Variants in CREG2 observed in about 807,000 individuals in gnomAD.
CREG2 encodes the protein cellular repressor of E1A stimulated genes 2, also known as protein CREG2.
A neutral mutation model predicts 26.2 loss-of-function variants in CREG2; 24 were observed. The ratio of observed to expected loss-of-function variants is 0.92; its 90% CI spans 0.66 to 1.29. CREG2 has a LOEUF of 1.29. Ranked by LOEUF, CREG2 falls within the 50% of genes most tolerant of loss-of-function variation. CREG2 has a pLI of 0.00. For missense variants in CREG2, 366 were observed against 398.6 expected, an observed-to-expected ratio of 0.92 and a Z score of 0.70; for synonymous variants, 174 against 169.2, an observed-to-expected ratio of 1.03 and a Z score of -0.22.
chr2:101,375,995 G>A, intron 2 of CREG2: 1 of 203,108 alleles, frequency 4.9e-6, no homozygotes, highest in Non-Finnish European at 1.1e-5. Context: ...TTGCTGGGCT[G>A]TGCTGTTTCA....
chr2:101,379,535 G>C (rs1684838683), intron 2 of CREG2, among the ~76,000 whole-genome samples: 1 of 152,110 alleles, frequency 6.6e-6, no homozygotes, highest in African/African-American at 2.4e-5. Flanking sequence ...TTAAGACACA[G>C]GCCTGTTAAT....
In CREG2 at chr2:101,350,707, A is replaced by G. The variant is rs1684368273; in HGVS notation, c.*216T>C. The G allele has an allele frequency of 1.8e-6, 1 of 542,684 alleles. No homozygotes were observed. The highest frequency in any genetic ancestry group is 3.3e-6 in the Non-Finnish European group (1 of 305,574). 33.6% of individuals were successfully genotyped at this position (542,684 alleles called of 1,614,324 possible). ...GAATACAATGGAATAAAGACTATCT[A>G]CGTGAAGTATCTGTGTGAGTTGGAG... On this transcript the variant is annotated 3_prime_UTR_variant, in exon 4 of 4. Coordinates refer to ENST00000324768, the MANE Select transcript of CREG2 (RefSeq NM_153836.4).
rs182960638 is a variant in CREG2, at chr2:101,361,301, G to A, written c.612-5935C>T. 8.5e-4 allele frequency among the ~76,000 whole-genome samples: 130 copies of A among 152,284 alleles called. 1 individual carries two copies. The highest frequency in any genetic ancestry group is 3.0e-3 in the African/African-American group (126 of 41,558). Reference sequence around the variant, plus strand: ...TGGCCCCCCAAAGATGTCCACATCCGAATCTCTGGAACATGTGAATATGTT... The same window carrying A: ...TGGCCCCCCAAAGATGTCCACATCCAAATCTCTGGAACATGTGAATATGTT... On this transcript the variant is annotated intron_variant, in intron 2 of 3. Transcript: ENST00000324768.
At chr2:101,383,446 G>T (rs1684910481) in intron 2 of CREG2, 87 bp downstream of exon 2, 1 of 1,282,070 alleles carries the variant, frequency 7.8e-7, no homozygotes, top group Non-Finnish European at 1.1e-6. Flanking sequence ...TTCTGTTAAA[G>T]TCATGTGACC....
intron 2 of CREG2, among the ~76,000 whole-genome samples, chr2:101,361,947 A>G (rs1684545835): frequency 6.6e-6 from 1 of 152,140 alleles, no homozygotes; most frequent in African/African-American, 2.4e-5. Flanking sequence ...CCTCTGGGTA[A>G]CAGATCTCAT....
At chr2:101,385,863 G>T (rs951048212) in intron 1 of CREG2, among the ~76,000 whole-genome samples, 1 of 152,234 alleles carries the variant, frequency 6.6e-6, no homozygotes, top group African/African-American at 2.4e-5. Context: ...AAAGCTAAGA[G>T]AAGGGATATT....
intron 2 of CREG2, among the ~76,000 whole-genome samples, chr2:101,361,668 G>A (rs919600772): frequency 5.3e-5 from 8 of 152,144 alleles, no homozygotes; most frequent in African/African-American, 1.9e-4. Flanking sequence ...TGATAAATCT[G>A]GGTTACTTTA....
intron 2 of CREG2, chr2:101,381,980 A>G (rs905563830): frequency 1.3e-5 from 2 of 152,354 alleles, no homozygotes; most frequent in East Asian, 1.9e-4. Context: ...TCCTGCTGCC[A>G]TTTGCCTGGG....
chr2:101,355,483 T>TCCATAACCTGA, intron 2 of CREG2, 117 bp from the exon 3 acceptor site: 1 of 663,520 alleles, frequency 1.5e-6, no homozygotes, highest in Non-Finnish European at 2.7e-6. Context: ...TCATTCAGGT[T>TCCATAACCTGA]ATGGATATTC....
chr2:101,381,612 A>G (rs1165044296), intron 2 of CREG2, among the ~76,000 whole-genome samples: 1 of 152,244 alleles, frequency 6.6e-6, no homozygotes, highest in Non-Finnish European at 1.5e-5. Flanking sequence ...AGAAGCTTAA[A>G]CAGTGTCAGG....
intron 1 of CREG2, 51 bp downstream of exon 1, chr2:101,386,966 C>G: frequency 8.1e-7 from 1 of 1,230,058 alleles, no homozygotes; most frequent in Middle Eastern, 3.1e-4. Flanking sequence ...CCCCGTCCCC[C>G]GGCCGCCGCC....
chr2:101,367,893 A>G (rs1335791239), intron 2 of CREG2, among the ~76,000 whole-genome samples: 2 of 152,164 alleles, frequency 1.3e-5, no homozygotes, highest in Non-Finnish European at 2.9e-5. Context: ...AGGCAAGGAA[A>G]CGGCTTCTCC....
chr2:101,353,055 T>C (rs1359843845), intron 3 of CREG2, among the ~76,000 whole-genome samples: 1 of 152,212 alleles, frequency 6.6e-6, no homozygotes, highest in African/African-American at 2.4e-5. Context: ...TGTAGTTAGG[T>C]AGAAAATAGG....
chr2:101,366,498 G>GAA (rs147867533), intron 2 of CREG2, among the ~76,000 whole-genome samples: 1 of 150,220 alleles, frequency 6.7e-6, no homozygotes, highest in Non-Finnish European at 1.5e-5. Flanking sequence ...AAATATTTAG[G>GAA]AAAAAAAAAG....
intron 3 of CREG2, among the ~76,000 whole-genome samples, chr2:101,352,196 A>T (rs1684395001): frequency 6.6e-6 from 1 of 152,228 alleles, no homozygotes; most frequent in Non-Finnish European, 1.5e-5. Flanking sequence ...ATCTTTTTAA[A>T]GAATAATTTA....
At chr2:101,382,711 T>C in intron 2 of CREG2, 2 of 985,434 alleles carry the variant, frequency 2.0e-6, no homozygotes, top group Non-Finnish European at 2.4e-6. Context: ...GTTTGGTTAT[T>C]ATGTTTTCCG....
chr2:101,379,660 A>G (rs1684840683), intron 2 of CREG2, among the ~76,000 whole-genome samples: 1 of 152,232 alleles, frequency 6.6e-6, no homozygotes, highest in African/African-American at 2.4e-5. Flanking sequence ...TTTGACTACA[A>G]CAAGCTATCA....
intron 2 of CREG2, among the ~76,000 whole-genome samples, chr2:101,365,021 G>T (rs186168310): frequency 6.6e-6 from 1 of 152,188 alleles, no homozygotes; most frequent in Non-Finnish European, 1.5e-5. Context: ...TCTGGATGTG[G>T]TGCTTTTGCT....
chr2:101,383,714 C>CA lies in CREG2; in HGVS notation c.442-13dup, dbSNP rs745661161. On this transcript the variant is annotated splice_polypyrimidine_tract_variant and intron_variant, in intron 1 of 3. Transcript: ENST00000324768. The stretch of plus-strand genomic sequence containing the variant: ...GGCAGTCCTTGGATCTAACAAACAC[C>CA]AAAAAAGGCTTTTTCAGTGCAGAGC... 1.9e-6 allele frequency: 3 copies of CA among 1,579,742 alleles called. No homozygotes were observed. The highest frequency in any genetic ancestry group is 2.6e-6 in the Non-Finnish European group (3 of 1,164,342).
Sources: allele counts gnomAD v4.1 joint callset (sites outside exome capture counted in the v4.1 genomes callset), GRCh38; gene constraint gnomAD v4.1.1; transcripts MANE v1.5; gene names NCBI Gene and HGNC (gene_info 2026-07-23, HGNC 2026-07-21).